UBXN11: variants seen among roughly 807,000 people sequenced by gnomAD.
UBXN11 encodes UBX domain-containing protein 11.
Under a neutral mutation model 62.8 loss-of-function variants are expected in UBXN11, and 47 were observed. The ratio of observed to expected loss-of-function variants is 0.75; its 90% CI spans 0.59 to 0.95. The LOEUF is 0.95. Ranked by LOEUF, UBXN11 falls within the 40% of genes least tolerant of loss-of-function variation. UBXN11 has a pLI of 0.00. For synonymous variants in UBXN11, 294 were observed against 267.0 expected (o/e 1.10, Z -0.99); for missense variants, 638 against 661.7 (o/e 0.96, Z 0.39).
rs781319817 is a variant in UBXN11, at chr1:26,282,375, CCGGG to C, written c.1483_1486del (p.Pro495ValfsTer?). 1.3e-3 allele frequency: 578 copies of C among 431,246 alleles called. 18 individuals carry two copies. The highest frequency in any genetic ancestry group is 1.3e-3 in the Non-Finnish European group (419 of 318,106). The allele number at this position is 431,246 out of a possible 1,614,324, so 26.7% of individuals were successfully genotyped here. A position where few individuals can be genotyped will look rare whatever the true frequency, so the allele number is the denominator to read the frequency against. On this transcript the variant is annotated frameshift_variant, in exon 15 of 15. Transcript: ENST00000374222. LOFTEE classifies it low-confidence loss of function (END_TRUNC). ...ACCGGGACTGGGGCCGGGACCGGGACCGGGACTGGGGCCGGGACCGGGACCGGGA... is the reference window on the plus strand; with the variant it reads ...ACCGGGACTGGGGCCGGGACCGGGACACTGGGGCCGGGACCGGGACCGGGA...
At chr1:26,313,398 C>T (rs2073762294) in intron 1 of UBXN11, among the ~76,000 whole-genome samples, 2 of 152,178 alleles carry the variant, frequency 1.3e-5, no homozygotes, top group African/African-American at 4.8e-5. Flanking sequence ...GACCACTGAC[C>T]TAGAATATAT....
chr1:26,297,587 G>C (rs2073424326), intron 5 of UBXN11, 106 bp from the exon 6 acceptor site: 3 of 1,310,520 alleles, frequency 2.3e-6, no homozygotes, highest in Non-Finnish European at 2.0e-6. Context: ...GGAGCAGCAA[G>C]CCCCTGCCAC....
At chr1:26,304,806 C>T (rs188685365) in intron 1 of UBXN11, among the ~76,000 whole-genome samples, 100 of 152,076 alleles carry the variant, frequency 6.6e-4, no homozygotes, top group Non-Finnish European at 1.1e-3. Context: ...GCTTATGTCT[C>T]CTGACCTCAT....
intron 1 of UBXN11, among the ~76,000 whole-genome samples, chr1:26,304,820 C>T (rs1478345934): frequency 6.6e-6 from 1 of 151,980 alleles, no homozygotes; most frequent in African/African-American, 2.4e-5. Context: ...ACCTCATCTC[C>T]CATCTTGCCG....
At chr1:26,296,248 T>A (rs2073389568) in intron 7 of UBXN11, among the ~76,000 whole-genome samples, 1 of 152,200 alleles carries the variant, frequency 6.6e-6, no homozygotes, top group South Asian at 2.1e-4. Flanking sequence ...GAGTCCCCAG[T>A]GAGCAGAAGT....
intron 8 of UBXN11, among the ~76,000 whole-genome samples, chr1:26,289,778 AC>A: frequency 6.6e-6 from 1 of 152,178 alleles, no homozygotes; most frequent in East Asian, 1.9e-4. Flanking sequence ...GCAGCCCCTC[AC>A]TGCACAAGTG....
intron 12 of UBXN11, among the ~76,000 whole-genome samples, chr1:26,283,678 A>T (rs141123409): frequency 1.3e-5 from 2 of 152,240 alleles, no homozygotes; most frequent in East Asian, 3.9e-4. Context: ...GGGTGGACAG[A>T]CCAGACAGGA....
At chr1:26,286,353 G>A (rs1462646724) in intron 8 of UBXN11, among the ~76,000 whole-genome samples, 1 of 152,234 alleles carries the variant, frequency 6.6e-6, no homozygotes, top group African/African-American at 2.4e-5. Flanking sequence ...AAACACAGTA[G>A]TAAGCAGCAG....
At chr1:26,308,656 G>C (rs561067931), upstream of UBXN11, among the ~76,000 whole-genome samples, 81 of 152,348 alleles carry the variant, frequency 5.3e-4, no homozygotes, top group African/African-American at 1.9e-3. Flanking sequence ...CCCATGGTCA[G>C]GGTGAGTAGC....
chr1:26,289,459 C>T (rs1301232446), intron 8 of UBXN11, among the ~76,000 whole-genome samples: 1 of 152,014 alleles, frequency 6.6e-6, no homozygotes, highest in African/African-American at 2.4e-5. Flanking sequence ...TTTCTGCTTG[C>T]TTGTTTGCCT....
intron 4 of UBXN11, among the ~76,000 whole-genome samples, chr1:26,300,302 C>T (rs1011472996): frequency 2.6e-5 from 4 of 152,192 alleles, no homozygotes; most frequent in African/African-American, 9.7e-5. Context: ...ATGCCCACTT[C>T]ACAGAGGAGG....
At chr1:26,303,137 G>A (rs1378225960) in intron 1 of UBXN11, 2 of 399,186 alleles carry the variant, frequency 5.0e-6, no homozygotes, top group Non-Finnish European at 9.1e-6. Flanking sequence ...TGAACTGAGA[G>A]ACCTTTGGCC....
At position 26,282,398 on chromosome 1, in the gene UBXN11, ACCG is replaced by A; in HGVS notation, c.1461_1463del (p.Gly488del). 1 of 497,298 alleles carries A rather than the reference ACCG, an allele frequency of 2.0e-6. No individual in the cohort carries two copies. The highest frequency in any genetic ancestry group is 2.7e-6 in the Non-Finnish European group (1 of 364,112). 30.8% of individuals were successfully genotyped at this position (497,298 alleles called of 1,614,324 possible). A position where few individuals can be genotyped will look rare whatever the true frequency, so the allele number is the denominator to read the frequency against. Reference sequence around the variant, plus strand: ...GACCGGGACTGGGGCCGGGACCGGGACCGGGACAGGGACCAGGACTGAATTTCA... The same window carrying A: ...GACCGGGACTGGGGCCGGGACCGGGAGGACAGGGACCAGGACTGAATTTCA... On this transcript the variant is annotated inframe_deletion, in exon 15 of 15. Transcript: ENST00000374222.
chr1:26,282,715 G>C lies in UBXN11; in HGVS notation c.1226C>G (p.Ala409Gly). 6.2e-7 allele frequency: 1 copy of C among 1,614,192 alleles called. No individual in the cohort carries two copies. Among genetic ancestry groups the C allele is most frequent in the Admixed American group, 1.7e-5 (1 of 60,034 alleles). The change falls in exon 14 of 15, where the codon GCC (alanine) becomes GGC (glycine). Residue 409 changes from alanine to glycine, a missense_variant. Transcript: ENST00000374222. Reference sequence around the variant, plus strand: ...GTCAGGCTGCATCATCAGTAGGAAGGCCTGTTCCCCATTCTCAGACTTGAT... The same window carrying C: ...GTCAGGCTGCATCATCAGTAGGAAGCCCTGTTCCCCATTCTCAGACTTGAT... ...LRIKSENGEQ[A>G]FLLMMQPDNT...
intron 4 of UBXN11, among the ~76,000 whole-genome samples, chr1:26,299,088 T>C (rs934343833): frequency 2.6e-5 from 4 of 152,156 alleles, no homozygotes; most frequent in Non-Finnish European, 4.4e-5. Context: ...GAGGAAGGGT[T>C]TTCTTTGACT....
intron 1 of UBXN11, among the ~76,000 whole-genome samples, chr1:26,311,954 C>A (rs1259348746): frequency 6.6e-6 from 1 of 152,200 alleles, no homozygotes; most frequent in Non-Finnish European, 1.5e-5. Context: ...CCACCCACAT[C>A]ACCACCACCT....
chr1:26,302,843 A>T lies in UBXN11; in HGVS notation c.41T>A (p.Val14Glu). ...ATTCATAGGCTCCGAGGGCAGGGGCACTTTTCGGGTCTTGCTAAGGGAGGC... is the reference window on the plus strand; with the variant it reads ...ATTCATAGGCTCCGAGGGCAGGGGCTCTTTTCGGGTCTTGCTAAGGGAGGC... ...PLASLSKTRK[V>E]PLPSEPMNPG... Residue 14 changes from valine (V) to glutamate (E), a missense_variant, in exon 2 of 15, where the codon GTG becomes GAG. By Grantham distance (121) the Val-to-Glu change is moderately radical (BLOSUM62 -2). Transcript: ENST00000374222. 6.2e-7 allele frequency: 1 copy of T among 1,613,882 alleles called. No homozygotes were observed.
At chr1:26,285,745 TG>T in intron 9 of UBXN11, 77 bp downstream of exon 9, 1 of 1,503,276 alleles carries the variant, frequency 6.7e-7, no homozygotes, top group Non-Finnish European at 8.9e-7. Context: ...GGGCCTGGGG[TG>T]AGCTGGCTTC....
intron 1 of UBXN11, among the ~76,000 whole-genome samples, chr1:26,314,031 C>T (rs978898073): frequency 4.6e-5 from 7 of 152,108 alleles, no homozygotes; most frequent in East Asian, 1.9e-4. Context: ...CGACTCGCCT[C>T]GGCCTCTCAA....
Sources: gnomAD v4.1 joint callset for allele counts (sites outside exome capture counted in the v4.1 genomes callset) on GRCh38, gnomAD v4.1.1 for gene constraint, MANE v1.5 for transcripts, NCBI Gene and HGNC (gene_info 2026-07-23, HGNC 2026-07-21) for gene names.